The following MSL3 variants were observed in gnomAD, a reference collection of about 807,000 sequenced individuals.
MSL3 encodes the protein MSL3-like 1.
In MSL3, 5 loss-of-function variants were observed where a neutral mutation model predicts 37.2. The ratio of observed to expected loss-of-function variants is 0.13; its 90% CI spans 0.07 to 0.28. The LOEUF (loss-of-function observed/expected upper bound fraction) is 0.28. Ranked by LOEUF, MSL3 falls within the 10% of genes least tolerant of loss-of-function variation. MSL3 has a pLI of 1.00. For missense variants in MSL3, 315 were observed against 408.5 expected, an observed-to-expected ratio of 0.77 and a Z score of 1.97; for synonymous variants, 149 against 147.6, an observed-to-expected ratio of 1.01 and a Z score of -0.07.
At chrX:11,774,491 T>G (rs1035287750) in intron 12 of MSL3, among the ~76,000 whole-genome samples, 7 of 110,691 alleles carry the variant, frequency 6.3e-5, no homozygotes, top group Non-Finnish European at 1.9e-5. Flanking sequence ...AGCTAATTTT[T>G]TGTGTTTTTA....
chrX:11,770,334 T>C (rs1345121741), intron 10 of MSL3, among the ~76,000 whole-genome samples: 3 of 111,608 alleles, frequency 2.7e-5, no homozygotes, highest in African/African-American at 9.8e-5. Flanking sequence ...ACATGCCCAT[T>C]TTTCAGATAA....
intron 2 of MSL3, 103 bp from the exon 3 acceptor site, chrX:11,760,300 T>A (rs1483291774): frequency 3.7e-6 from 2 of 535,757 alleles, no homozygotes; most frequent in Non-Finnish European, 5.9e-6. Context: ...TTAAATCGTT[T>A]TCTAAAAATG....
In MSL3 at chrX:11,775,143, TA is replaced by T; in HGVS notation, c.*66del. On this transcript the variant is annotated 3_prime_UTR_variant, in exon 13 of 13. Transcript: ENST00000312196. ...TTTGGCGCTCTGGGTTCCAGGTGAATAACTAACAAGGTGGTGGGTCTTTACC... is the reference window on the plus strand; with the variant it reads ...TTTGGCGCTCTGGGTTCCAGGTGAATACTAACAAGGTGGTGGGTCTTTACC... 1 of 844,873 alleles carries T rather than the reference TA, an allele frequency of 1.2e-6. No homozygotes were observed. The highest frequency in any genetic ancestry group is 3.1e-5 in the East Asian group (1 of 31,942). The allele number at this position is 844,873 out of a possible 1,213,427, so 69.6% of individuals were successfully genotyped here. A position where few individuals can be genotyped will look rare whatever the true frequency, so the allele number is the denominator to read the frequency against.
At chrX:11,774,583 G>T (rs1370908112) in intron 12 of MSL3, among the ~76,000 whole-genome samples, 1 of 112,294 alleles carries the variant, frequency 8.9e-6, no homozygotes, top group African/African-American at 3.2e-5. Context: ...CTCCCAAAGT[G>T]CTGGGATTAC....
rs1005962372 is a variant in MSL3, at chrX:11,762,689, G to A, written c.589-148G>A. On this transcript the variant is annotated intron_variant, in intron 6 of 12. Coordinates refer to ENST00000312196, the MANE Select transcript of MSL3 (RefSeq NM_078629.4). ...GAGAAAAAAAGATCAAAGAGATTGC[G>A]AACATATTTAAGAAGTTCTATTCAA... 1.6e-5 allele frequency: 8 copies of A among 489,728 alleles called. No homozygotes were observed. The South Asian group carries it at 1.9e-4, about 12-fold the overall frequency. 40.4% of individuals were successfully genotyped at this position (489,728 alleles called of 1,213,427 possible).
Position 11,762,240 on chromosome X carries a change from C to T in MSL3, c.576C>T (p.Asn192=). The T allele has an allele frequency of 8.7e-7, 1 of 1,155,066 alleles. No homozygotes were observed. Among genetic ancestry groups the T allele is most frequent in the Non-Finnish European group, 1.1e-6 (1 of 871,360 alleles). ...TGGAGGATGATTGTTACTACATTAA[C>T]AGGAGGAAACGGGTATGTAGGGAGA... ...KQLEDDCYYI[N]RRKRLVKLPC... is the part of the protein sequence containing the mutation. Residue 192 remains asparagine, a synonymous_variant, in exon 6 of 13, where the codon AAC becomes AAT. Coordinates refer to ENST00000312196, the MANE Select transcript of MSL3 (RefSeq NM_078629.4).
chrX:11,765,876 T>C (rs1195574902), intron 9 of MSL3, 147 bp downstream of exon 9: 5 of 1,113,737 alleles, frequency 4.5e-6, no homozygotes, highest in Non-Finnish European at 5.9e-6. Context: ...CTGCCTGCTT[T>C]CTGGAGCTGT....
At chrX:11,758,220 C>A (rs1257121313), upstream of MSL3, 2 of 623,553 alleles carry the variant, frequency 3.2e-6, no homozygotes, top group Non-Finnish European at 4.3e-6. Flanking sequence ...CCACCGCGCG[C>A]GCTCCGCCCG....
At chrX:11,758,773 G>T in intron 1 of MSL3, 1 of 1,166,375 alleles carries the variant, frequency 8.6e-7, no homozygotes, top group Non-Finnish European at 1.1e-6. Context: ...GTCCGATCCA[G>T]GTTCTAATTC....
chrX:11,768,515 C>T lies in MSL3; in HGVS notation c.1172-58C>T. The T allele has an allele frequency of 4.9e-6, 4 of 818,433 alleles. No homozygotes were observed. The South Asian group carries it at 6.5e-5, about 13-fold the overall frequency. The allele number at this position is 818,433 out of a possible 1,213,427, so 67.4% of individuals were successfully genotyped here. On this transcript the variant is annotated intron_variant, in intron 9 of 12. Coordinates refer to ENST00000312196, the MANE Select transcript of MSL3 (RefSeq NM_078629.4). ...TTTATGTTCTGCAGTTTTTAACAGT[C>T]TTGAGGCAGTCTTTAATTCAGTTGC...
At chrX:11,766,969 G>A in intron 9 of MSL3, 7 of 754,889 alleles carry the variant, frequency 9.3e-6, no homozygotes, top group Non-Finnish European at 1.1e-5. Flanking sequence ...AGCCTCGCCT[G>A]CTGTGCTGAC....
intron 7 of MSL3, 124 bp from the exon 8 acceptor site, chrX:11,763,656 A>G (rs1293029936): frequency 2.1e-6 from 1 of 480,614 alleles, no homozygotes; most frequent in Non-Finnish European, 3.5e-6. Context: ...TTTTGTGTGT[A>G]TGTAGGTGTA....
At chrX:11,767,248 A>G in intron 9 of MSL3, 1 of 754,792 alleles carries the variant, frequency 1.3e-6, no homozygotes, top group South Asian at 6.7e-5. Flanking sequence ...TACCTTTAAG[A>G]GAAGCCCTTT....
At chrX:11,758,161 G>GC (rs1354538067), upstream of MSL3, 36 of 195,531 alleles carry the variant, frequency 1.8e-4, no homozygotes, top group African/African-American at 3.6e-4. Flanking sequence ...GCCATTCCCG[G>GC]CCCCCCCCGG....
chrX:11,759,711 G>C lies in MSL3; in HGVS notation c.103-82G>C, dbSNP rs745618435. The C allele has an allele frequency of 3.2e-5, 38 of 1,180,879 alleles. No homozygotes were observed. In the East Asian group the frequency reaches 9.3e-4, roughly 29 times the overall value. Reference sequence around the variant, plus strand: ...AGGAGAGAATGCTTTCTTTAAAAAAGGGTCTGTGAATTAGTTTTCCTGATC... The same window carrying C: ...AGGAGAGAATGCTTTCTTTAAAAAACGGTCTGTGAATTAGTTTTCCTGATC... On this transcript the variant is annotated intron_variant, in intron 1 of 12. Transcript: ENST00000312196.
intron 4 of MSL3, 72 bp from the exon 5 acceptor site, chrX:11,761,428 G>A: frequency 1.6e-6 from 1 of 628,116 alleles, no homozygotes; most frequent in Non-Finnish European, 2.4e-6. Context: ...CACACTACAC[G>A]TGAAGATCTG....
chrX:11,758,406 G>A lies in MSL3; in HGVS notation c.102+41G>A, dbSNP rs767012948. On this transcript the variant is annotated intron_variant, in intron 1 of 12. Transcript: ENST00000312196. ...GACAGGGAGGAGGCGCGGGCTGGGG[G>A]ACCCGGGACCGGGGGCGGGGGCGGG... The A allele has an allele frequency of 1.2e-5, 11 of 954,553 alleles. 1 individual carries two copies. Among genetic ancestry groups the A allele is most frequent in the South Asian group, 6.0e-5 (2 of 33,192 alleles). 78.7% of individuals were successfully genotyped at this position (954,553 alleles called of 1,213,427 possible). A position where few individuals can be genotyped will look rare whatever the true frequency, so the allele number is the denominator to read the frequency against.
intron 10 of MSL3, among the ~76,000 whole-genome samples, chrX:11,769,363 A>C (rs969620367): frequency 1.8e-5 from 2 of 112,012 alleles, no homozygotes; most frequent in African/African-American, 3.3e-5. Flanking sequence ...AAATACTTTG[A>C]ATTCTCGAGA....
In MSL3 at chrX:11,772,235, A is replaced by G; in HGVS notation, c.1361A>G (p.Gln454Arg). Reference sequence around the variant, plus strand: ...CCACCCTCTTACATTTATGGGGCACAACATTTGCTGCGATTGTTTGGTAAG... The same window carrying G: ...CCACCCTCTTACATTTATGGGGCACGACATTTGCTGCGATTGTTTGGTAAG... ...PPPPSYIYGA[Q>R]HLLRLFVKLP... is the part of the protein sequence containing the mutation. The change falls in exon 11 of 13, where the codon CAA becomes CGA. Residue 454 changes from glutamine (Q) to arginine (R), a missense_variant. Coordinates refer to ENST00000312196, the MANE Select transcript of MSL3 (RefSeq NM_078629.4). The G allele has an allele frequency of 8.3e-7, 1 of 1,205,115 alleles. No homozygotes were observed. Among genetic ancestry groups the G allele is most frequent in the Non-Finnish European group, 1.1e-6 (1 of 890,053 alleles).
Sources: gnomAD v4.1 joint callset for allele counts (sites outside exome capture counted in the v4.1 genomes callset) on GRCh38, gnomAD v4.1.1 for gene constraint, MANE v1.5 for transcripts, NCBI Gene and HGNC (gene_info 2026-07-23, HGNC 2026-07-21) for gene names.